Variants in IL7 observed in about 807,000 individuals in gnomAD.
The protein encoded by IL7 is interleukin 7.
In IL7, 3 loss-of-function variants were observed where a neutral mutation model predicts 21.6. The observed-to-expected ratio is 0.14, with a 90% CI of 0.06 to 0.36. The LOEUF (loss-of-function observed/expected upper bound fraction) is 0.36, where lower values mean the gene tolerates loss of function less well. IL7 is among the 10% of genes least tolerant of loss of function. The pLI, the probability that IL7 is intolerant of heterozygous loss-of-function variation, is 1.00. For missense variants in IL7, 175 were observed against 200.2 expected (o/e 0.87, Z 0.76); for synonymous variants, 62 against 68.1 (o/e 0.91, Z 0.44).
rs1294797165 is a variant in IL7, at chr8:78,687,748, TTATA to T, written n.215-1805_215-1802del. On this transcript the variant is annotated intron_variant and non_coding_transcript_variant, in intron 3 of 4. Coordinates refer to the IL7 transcript ENST00000523959. The stretch of plus-strand genomic sequence containing the variant: ...ACATTATATATATTTATGTAATACA[TTATA>T]TATATTTACGTAAGACATTATATAT... 2.8e-4 allele frequency among the ~76,000 whole-genome samples: 17 copies of T among 59,712 alleles called. 1 individual carries two copies. The highest frequency in any genetic ancestry group is 8.8e-4 in the African/African-American group (15 of 17,074). 39.2% of individuals were successfully genotyped at this position (59,712 alleles called of 152,430 possible).
downstream of IL7, among the ~76,000 whole-genome samples, chr8:78,731,704 C>T (rs1257437840): frequency 6.6e-6 from 1 of 151,902 alleles, no homozygotes; most frequent in Non-Finnish European, 1.5e-5. Flanking sequence ...TATTAGCCAA[C>T]CTATCTTGTT....
intron 2 of IL7, among the ~76,000 whole-genome samples, chr8:78,759,067 A>AC (rs1331208438): frequency 1.0e-4 from 11 of 106,772 alleles, no homozygotes; most frequent in Non-Finnish European, 1.9e-4. Context: ...TCCCCCCCCC[A>AC]CCTTTTTTTT....
At chr8:78,686,760 AGTCAT>A (rs2130486620) in intron 3 of IL7, 1 of 695,836 alleles carries the variant, frequency 1.4e-6, no homozygotes. Context: ...GTGGTAATCT[AGTCAT>A]GTAGGCTTAT....
In IL7 at chr8:78,764,353, G is replaced by A. The variant is rs190618717; in HGVS notation, c.148-24271C>T. Among the ~76,000 whole-genome samples the A allele has an allele frequency of 4.6e-5, 7 of 152,080 alleles. No individual in the cohort carries two copies. In the East Asian group the frequency reaches 1.3e-3, roughly 29 times the overall value. ...TAGCTATTGCAGTAAGACAAAAAAG[G>A]AAATAAAATGTATACAGATTGGTAA... is the stretch of plus-strand genomic sequence containing the variant. On this transcript the variant is annotated intron_variant, in intron 2 of 5. Coordinates refer to ENST00000263851, the MANE Select transcript of IL7 (RefSeq NM_000880.4).
At chr8:78,760,560 G>T (rs560517654) in intron 2 of IL7, 44 of 1,548,766 alleles carry the variant, frequency 2.8e-5, no homozygotes, top group Non-Finnish European at 3.8e-5. Context: ...TCAGCATGGT[G>T]TTCCTCCAAA....
intron 1 of IL7, among the ~76,000 whole-genome samples, chr8:78,800,802 C>T (rs2130850837): frequency 6.6e-6 from 1 of 152,256 alleles, no homozygotes; most frequent in South Asian, 2.1e-4. Context: ...TAACATATAA[C>T]TTGAAATGAG....
At chr8:78,709,763 G>A (rs1218390254) in intron 3 of IL7, among the ~76,000 whole-genome samples, 13 of 151,756 alleles carry the variant, frequency 8.6e-5, no homozygotes, top group African/African-American at 1.7e-4. Flanking sequence ...GAAAGTTTAC[G>A]AATTTGTATA....
At chr8:78,766,238 A>G (rs1479733891) in intron 2 of IL7, among the ~76,000 whole-genome samples, 1 of 152,154 alleles carries the variant, frequency 6.6e-6, no homozygotes, top group African/African-American at 2.4e-5. Context: ...GAGTGAAACT[A>G]TTCTGTAATA....
At chr8:78,757,018 G>A (rs944681313) in intron 2 of IL7, among the ~76,000 whole-genome samples, 14 of 151,594 alleles carry the variant, frequency 9.2e-5, no homozygotes, top group Admixed American at 3.3e-4. Context: ...TGATGTAGAT[G>A]GCTATTGCTA....
chr8:78,733,561 C>G lies in IL7; in HGVS notation c.*152G>C, dbSNP rs577561736. 5.2e-4 allele frequency: 351 copies of G among 672,540 alleles called. No individual in the cohort carries two copies. Among genetic ancestry groups the G allele is most frequent in the Middle Eastern group, 3.1e-3 (10 of 3,212 alleles). The allele number at this position is 672,540 out of a possible 1,614,324, so 41.7% of individuals were successfully genotyped here. On this transcript the variant is annotated 3_prime_UTR_variant, in exon 6 of 6. Transcript: ENST00000263851. ...TGTTTGTATTCATCTTCTAGTAATACAATATGCATTTCTCAAATGCCCTAA... is the reference window on the plus strand; with the variant it reads ...TGTTTGTATTCATCTTCTAGTAATAGAATATGCATTTCTCAAATGCCCTAA...
chr8:78,731,182 A>G (rs1811417920), downstream of IL7, among the ~76,000 whole-genome samples: 1 of 151,984 alleles, frequency 6.6e-6, no homozygotes. Context: ...CAGTTTTCCC[A>G]TGGATCAATT....
chr8:78,742,742 A>T (rs1811834530), intron 2 of IL7, among the ~76,000 whole-genome samples: 1 of 151,968 alleles, frequency 6.6e-6, no homozygotes, highest in Non-Finnish European at 1.5e-5. Context: ...TTAAACATTT[A>T]TTTTAAGTCC....
chr8:78,719,295 C>T (rs1301625742), intron 5 of IL7: 1 of 151,616 alleles, frequency 6.6e-6, no homozygotes, highest in Non-Finnish European at 1.5e-5. Flanking sequence ...AAATAATTGG[C>T]ACACATTTGT....
chr8:78,692,597 G>T (rs1170641348), intron 3 of IL7, among the ~76,000 whole-genome samples: 1 of 152,054 alleles, frequency 6.6e-6, no homozygotes, highest in African/African-American at 2.4e-5. Context: ...AGGTCTAAGT[G>T]TAGGTGGTTA....
intron 3 of IL7, among the ~76,000 whole-genome samples, chr8:78,696,857 A>G (rs1810435199): frequency 6.6e-6 from 1 of 152,220 alleles, no homozygotes; most frequent in Non-Finnish European, 1.5e-5. Context: ...CCAGGAACAT[A>G]TAAAAATCTT....
At chr8:78,786,860 A>AATAGAG (rs1175138311) in intron 2 of IL7, among the ~76,000 whole-genome samples, 16 of 152,296 alleles carry the variant, frequency 1.1e-4, no homozygotes, top group African/African-American at 3.8e-4. Context: ...ACAAGGCATA[A>AATAGAG]ATAGAGGGTT....
At chr8:78,688,080 A>G (rs1297257626) in intron 3 of IL7, among the ~76,000 whole-genome samples, 1 of 151,044 alleles carries the variant, frequency 6.6e-6, no homozygotes, top group Non-Finnish European at 1.5e-5. Context: ...CCCATGGGCC[A>G]TACTTTGCGA....
chr8:78,716,414 C>T (rs992136859), downstream of IL7, among the ~76,000 whole-genome samples: 5 of 152,114 alleles, frequency 3.3e-5, no homozygotes, highest in African/African-American at 1.2e-4. Context: ...TGAGCCACCG[C>T]ACCCGGCCTA....
intron 3 of IL7, among the ~76,000 whole-genome samples, chr8:78,704,387 C>CAAA (rs1307275741): frequency 3.7e-4 from 24 of 65,246 alleles, no homozygotes; most frequent in Non-Finnish European, 4.2e-4. Context: ...GACTCCATCT[C>CAAA]AAAAAAAAAA....
Sources: gnomAD v4.1 joint callset for allele counts (sites outside exome capture counted in the v4.1 genomes callset) on GRCh38, gnomAD v4.1.1 for gene constraint, MANE v1.5 for transcripts, NCBI Gene and HGNC (gene_info 2026-07-23, HGNC 2026-07-21) for gene names.